MAP3K7CL: variants seen among roughly 807,000 people sequenced by gnomAD.
The protein encoded by MAP3K7CL is MAP3K7 C-terminal-like protein.
MAP3K7CL carries 16 observed loss-of-function variants against 18.6 expected under a neutral mutation model. That is an observed-to-expected ratio of 0.86 (90% CI 0.58 to 1.31). The LOEUF is 1.31. Ranked by LOEUF, MAP3K7CL falls within the 50% of genes most tolerant of loss-of-function variation. MAP3K7CL has a pLI of 0.00. For missense variants in MAP3K7CL, 163 were observed against 174.4 expected, an observed-to-expected ratio of 0.93 and a Z score of 0.37; for synonymous variants, 65 against 66.8, an observed-to-expected ratio of 0.97 and a Z score of 0.13.
At position 29,133,387 on chromosome 21, in the gene MAP3K7CL, A is replaced by G. The variant is rs1445186502; in HGVS notation, c.43A>G (p.Ile15Val). 8.4e-6 allele frequency: 13 copies of G among 1,549,836 alleles called. No individual in the cohort carries two copies. Among genetic ancestry groups the G allele is most frequent in the African/African-American group, 8.2e-5 (6 of 73,058 alleles). ...ARVPADKPVR[I>V]AFSLNDASDD... ...GGTACCTGCTGACAAGCCTGTACGC[A>G]TCGCCTTTAGCCTCAATGACGCCTC... Residue 15 changes from isoleucine (I) to valine (V), a missense_variant, in exon 2 of 5, where the codon ATC becomes GTC. Physicochemically the swap from Ile to Val is conservative, Grantham distance 29 (BLOSUM62 3). Transcript: ENST00000399928.
At chr21:29,137,452 G>A (rs2086910398) in intron 2 of MAP3K7CL, among the ~76,000 whole-genome samples, 1 of 152,184 alleles carries the variant, frequency 6.6e-6, no homozygotes, top group Non-Finnish European at 1.5e-5. Context: ...TTGCTTCTTG[G>A]AAGAGGTGAT....
At chr21:29,170,709 G>A (rs12627118) in intron 4 of MAP3K7CL, among the ~76,000 whole-genome samples, 4,613 of 150,896 alleles carry the variant, frequency 0.031, 206 homozygotes, top group African/African-American at 0.096. Flanking sequence ...ATGTGATCTC[G>A]GCTCACTGCA....
chr21:29,101,576 T>G (rs1458950776), intron 4 of MAP3K7CL, among the ~76,000 whole-genome samples: 1 of 152,060 alleles, frequency 6.6e-6, no homozygotes, highest in Non-Finnish European at 1.5e-5. Flanking sequence ...GCCCAGCTAA[T>G]TTTTTGTATT....
intron 4 of MAP3K7CL, among the ~76,000 whole-genome samples, chr21:29,162,364 G>A (rs2832228): frequency 0.24 from 35,565 of 150,042 alleles, 5,389 homozygotes; most frequent in African/African-American, 0.43. Flanking sequence ...TGTTCTGTAA[G>A]TTTTTTTTAT....
At chr21:29,104,294 A>C (rs2086282981) in intron 4 of MAP3K7CL, among the ~76,000 whole-genome samples, 1 of 151,830 alleles carries the variant, frequency 6.6e-6, no homozygotes, top group South Asian at 2.1e-4. Context: ...TTTCAAAACT[A>C]TTCTTCATTT....
At position 29,136,624 on chromosome 21, in the gene MAP3K7CL, G is replaced by C. The variant is rs180714207; in HGVS notation, c.70+3210G>C. Reference sequence around the variant, plus strand: ...ACCGCGACCTCCGCCTCCCTGAGGTGATTCTTCTGCCTGAGCCTCCTGAGT... The same window carrying C: ...ACCGCGACCTCCGCCTCCCTGAGGTCATTCTTCTGCCTGAGCCTCCTGAGT... On this transcript the variant is annotated intron_variant, in intron 2 of 4. Transcript: ENST00000399928. Among the ~76,000 whole-genome samples the C allele has an allele frequency of 1.9e-3, 291 of 152,006 alleles. 2 individuals are homozygous for C. Among genetic ancestry groups the C allele is most frequent in the African/African-American group, 6.6e-3 (273 of 41,444 alleles).
intron 4 of MAP3K7CL, among the ~76,000 whole-genome samples, chr21:29,111,632 G>A (rs2086422025): frequency 6.6e-6 from 1 of 152,124 alleles, no homozygotes; most frequent in Non-Finnish European, 1.5e-5. Flanking sequence ...TTAAGTCCAG[G>A]CTGGTGTAGG....
At chr21:29,096,752 G>A (rs1185486758) in intron 4 of MAP3K7CL, among the ~76,000 whole-genome samples, 4 of 152,198 alleles carry the variant, frequency 2.6e-5, no homozygotes, top group Admixed American at 6.5e-5. Flanking sequence ...TGGGAAGTCC[G>A]TTGGGTAGAG....
intron 4 of MAP3K7CL, among the ~76,000 whole-genome samples, chr21:29,169,787 C>T (rs773859800): frequency 1.4e-4 from 22 of 152,144 alleles, no homozygotes; most frequent in African/African-American, 3.4e-4. Flanking sequence ...TTTTCTTAAC[C>T]AATTGACTTG....
intron 1 of MAP3K7CL, among the ~76,000 whole-genome samples, chr21:29,086,716 C>T (rs2085931382): frequency 6.6e-6 from 1 of 152,184 alleles, no homozygotes; most frequent in Admixed American, 6.5e-5. Context: ...GCAATAGACT[C>T]CTATCCTCTG....
At chr21:29,160,909 CAG>C (rs1199277874) in intron 4 of MAP3K7CL, among the ~76,000 whole-genome samples, 1 of 152,178 alleles carries the variant, frequency 6.6e-6, no homozygotes, top group African/African-American at 2.4e-5. Flanking sequence ...ATGTGTGAAA[CAG>C]AACACAAACA....
chr21:29,123,966 C>T (rs916037317), intron 4 of MAP3K7CL, among the ~76,000 whole-genome samples: 6 of 151,990 alleles, frequency 3.9e-5, no homozygotes, highest in African/African-American at 1.5e-4. Flanking sequence ...GATATAAATA[C>T]TAAAATATAA....
At chr21:29,116,000 T>C (rs1394634286) in intron 4 of MAP3K7CL, among the ~76,000 whole-genome samples, 3 of 152,246 alleles carry the variant, frequency 2.0e-5, no homozygotes, top group Non-Finnish European at 4.4e-5. Context: ...GAGCCTTGGA[T>C]TCGATCTGTT....
At chr21:29,100,929 G>C (rs2086217930) in intron 4 of MAP3K7CL, among the ~76,000 whole-genome samples, 1 of 151,594 alleles carries the variant, frequency 6.6e-6, no homozygotes, top group African/African-American at 2.4e-5. Flanking sequence ...AGCCAGGATG[G>C]TGTCGATCTC....
chr21:29,094,561 T>G (rs2086087509), intron 4 of MAP3K7CL, among the ~76,000 whole-genome samples: 1 of 152,232 alleles, frequency 6.6e-6, no homozygotes, highest in Non-Finnish European at 1.5e-5. Flanking sequence ...CTTAGCCTAC[T>G]GAGCAAAGTA....
chr21:29,094,339 CAG>C (rs2086083026), intron 4 of MAP3K7CL, among the ~76,000 whole-genome samples: 1 of 152,194 alleles, frequency 6.6e-6, no homozygotes, highest in South Asian at 2.1e-4. Flanking sequence ...TAGCATCTGT[CAG>C]AGTCACCCAG....
At chr21:29,168,446 C>T (rs2087745157) in intron 4 of MAP3K7CL, among the ~76,000 whole-genome samples, 1 of 152,178 alleles carries the variant, frequency 6.6e-6, no homozygotes, top group Non-Finnish European at 1.5e-5. Flanking sequence ...CAGTTCTTTA[C>T]TTTGTTTATG....
intron 3 of MAP3K7CL, among the ~76,000 whole-genome samples, chr21:29,157,483 C>T (rs2087435262): frequency 1.3e-5 from 2 of 152,176 alleles, no homozygotes; most frequent in South Asian, 2.1e-4. Context: ...GAAGTGACCC[C>T]TGGAATCTTT....
intron 4 of MAP3K7CL, among the ~76,000 whole-genome samples, chr21:29,095,353 A>G (rs892333745): frequency 9.2e-5 from 14 of 151,766 alleles, no homozygotes; most frequent in Non-Finnish European, 1.6e-4. Flanking sequence ...AAGAGGCAGG[A>G]GCCTTTTGTG....
Sources: allele counts gnomAD v4.1 joint callset (sites outside exome capture counted in the v4.1 genomes callset), GRCh38; gene constraint gnomAD v4.1.1; transcripts MANE v1.5; gene names NCBI Gene and HGNC (gene_info 2026-07-23, HGNC 2026-07-21).